ZFAT: variants seen among roughly 807,000 people sequenced by gnomAD.
ZFAT encodes zinc finger protein ZFAT.
In ZFAT, 64 loss-of-function variants were observed where a neutral mutation model predicts 117.7. The observed-to-expected ratio is 0.54, with a 90% CI of 0.44 to 0.67. The LOEUF (loss-of-function observed/expected upper bound fraction) is 0.67. Ranked by LOEUF, ZFAT falls within the 30% of genes least tolerant of loss-of-function variation. The pLI, the probability that ZFAT is intolerant of heterozygous loss-of-function variation, is 0.00. For missense variants in ZFAT, 1,433 were observed against 1,584.5 expected, an observed-to-expected ratio of 0.90 and a Z score of 1.62; for synonymous variants, 679 against 615.0, an observed-to-expected ratio of 1.10 and a Z score of -1.54.
At chr8:134,681,165 C>G (rs1459047492) in intron 1 of ZFAT, among the ~76,000 whole-genome samples, 1 of 152,206 alleles carries the variant, frequency 6.6e-6, no homozygotes, top group Non-Finnish European at 1.5e-5. Flanking sequence ...ATGTGCCCAT[C>G]TCTGCTGGGA....
At chr8:134,726,808 C>T in the ZFAT span, among the ~76,000 whole-genome samples, 1 of 151,950 alleles carries the variant, frequency 6.6e-6, no homozygotes, top group Admixed American at 6.6e-5. Context: ...GGGATTTTGC[C>T]ATTTTGCCCA....
chr8:134,755,830 A>G, the ZFAT span, among the ~76,000 whole-genome samples: 1 of 151,392 alleles, frequency 6.6e-6, no homozygotes, highest in Non-Finnish European at 1.5e-5. Context: ...AAAAAAAAAA[A>G]AAAAAAGAAA....
At chr8:134,524,111 T>A (rs1820854842) in intron 12 of ZFAT, among the ~76,000 whole-genome samples, 1 of 152,192 alleles carries the variant, frequency 6.6e-6, no homozygotes, top group South Asian at 2.1e-4. Flanking sequence ...TCCTCTTCTT[T>A]CTTGAGCTCC....
At chr8:134,666,797 G>A (rs769429077) in intron 1 of ZFAT, among the ~76,000 whole-genome samples, 9 of 152,134 alleles carry the variant, frequency 5.9e-5, no homozygotes, top group Non-Finnish European at 1.3e-4. Flanking sequence ...TTTGTGATAT[G>A]AGTCCCAAAA....
At chr8:134,576,418 T>C (rs1035894191) in intron 10 of ZFAT, among the ~76,000 whole-genome samples, 4 of 152,050 alleles carry the variant, frequency 2.6e-5, no homozygotes, top group Non-Finnish European at 4.4e-5. Context: ...AAATCTACCA[T>C]GTTCATCCAG....
intron 1 of ZFAT, among the ~76,000 whole-genome samples, chr8:134,665,343 G>C (rs2131237205): frequency 6.6e-6 from 1 of 152,322 alleles, no homozygotes; most frequent in Admixed American, 6.5e-5. Flanking sequence ...GGGGTGATGA[G>C]GGTCAGTTGG....
At chr8:134,745,127 T>C in the ZFAT span, among the ~76,000 whole-genome samples, 1 of 152,328 alleles carries the variant, frequency 6.6e-6, no homozygotes, top group Admixed American at 6.5e-5. Flanking sequence ...CAATTATATC[T>C]GCAAAATCCC....
chr8:134,820,148 T>C, the ZFAT span, among the ~76,000 whole-genome samples: 2 of 152,200 alleles, frequency 1.3e-5, no homozygotes, highest in Non-Finnish European at 2.9e-5. Context: ...ATGTTTGTTT[T>C]AAAAAAGGTG....
chr8:134,595,342 C>CT (rs950732376), intron 7 of ZFAT, among the ~76,000 whole-genome samples: 66 of 149,376 alleles, frequency 4.4e-4, no homozygotes, highest in East Asian at 2.9e-3. Flanking sequence ...TCTAATGGAT[C>CT]TTTTTTTTTT....
intron 1 of ZFAT, among the ~76,000 whole-genome samples, chr8:134,705,496 C>T (rs1450166662): frequency 1.3e-5 from 2 of 151,540 alleles, no homozygotes; most frequent in African/African-American, 2.4e-5. Context: ...AGATTGAAGG[C>T]ATGAGCCACC....
At chr8:134,614,967 A>G (rs1413568668) in intron 3 of ZFAT, among the ~76,000 whole-genome samples, 1 of 152,212 alleles carries the variant, frequency 6.6e-6, no homozygotes, top group African/African-American at 2.4e-5. Context: ...TTGCAGGGAG[A>G]AAAGAAGGAG....
chr8:134,647,006 C>A (rs1666441692), intron 2 of ZFAT, among the ~76,000 whole-genome samples: 1 of 151,918 alleles, frequency 6.6e-6, no homozygotes, highest in Non-Finnish European at 1.5e-5. Context: ...TCAAGCTCTT[C>A]AAAAAAATTA....
chr8:134,567,842 C>G (rs1824587803), intron 10 of ZFAT, among the ~76,000 whole-genome samples: 1 of 152,244 alleles, frequency 6.6e-6, no homozygotes, highest in Non-Finnish European at 1.5e-5. Context: ...CTGGAATGCA[C>G]TGTCTCGCAG....
intron 13 of ZFAT, among the ~76,000 whole-genome samples, chr8:134,518,635 T>C (rs894056865): frequency 1.3e-5 from 2 of 152,046 alleles, no homozygotes; most frequent in East Asian, 3.8e-4. Flanking sequence ...ATCACTATTT[T>C]TATAGGCCTT....
At chr8:134,717,830 G>A (rs1586985926), upstream of ZFAT, among the ~76,000 whole-genome samples, 1 of 151,964 alleles carries the variant, frequency 6.6e-6, no homozygotes, top group East Asian at 1.9e-4. Context: ...AAGTAATTGG[G>A]ATTACAAGCG....
chr8:134,760,260 T>A, the ZFAT span, among the ~76,000 whole-genome samples: 2 of 125,824 alleles, frequency 1.6e-5, no homozygotes, highest in South Asian at 2.8e-4. Context: ...AGAGGGAGAC[T>A]CCGTCTCAAA....
intron 3 of ZFAT, among the ~76,000 whole-genome samples, chr8:134,632,106 T>G (rs1438953430): frequency 3.9e-5 from 6 of 152,190 alleles, no homozygotes; most frequent in Non-Finnish European, 8.8e-5. Context: ...AAACTTATAC[T>G]GAAATTTCTT....
chr8:134,639,760 C>T (rs1264777811), intron 2 of ZFAT: 1 of 442,792 alleles, frequency 2.3e-6, no homozygotes, highest in Non-Finnish European at 4.6e-6. Context: ...AGCAGAGAGG[C>T]TACAAAACAC....
chr8:134,733,630 G>A, the ZFAT span, among the ~76,000 whole-genome samples: 4,757 of 152,334 alleles, frequency 0.031, 228 homozygotes, highest in African/African-American at 0.11. Flanking sequence ...CTGAGGCTGA[G>A]AAGGACGATG....
Sources: gnomAD v4.1 joint callset for allele counts (sites outside exome capture counted in the v4.1 genomes callset) on GRCh38, gnomAD v4.1.1 for gene constraint, MANE v1.5 for transcripts, NCBI Gene and HGNC (gene_info 2026-07-23, HGNC 2026-07-21) for gene names.